The following PPM1D variants were observed in gnomAD, a reference collection of about 807,000 sequenced individuals.
PPM1D encodes protein phosphatase 1D.
Under a neutral mutation model 58.3 loss-of-function variants are expected in PPM1D, and 52 were observed. The observed-to-expected ratio is 0.89, with a 90% CI of 0.71 to 1.12. The LOEUF is 1.12. Among genes scored for constraint, PPM1D ranks in the 50% most tolerant of loss-of-function variants. The pLI, the probability that PPM1D is intolerant of heterozygous loss-of-function variation, is 0.00. For synonymous variants in PPM1D, 278 were observed against 285.1 expected (o/e 0.98, Z 0.25); for missense variants, 564 against 777.2 (o/e 0.73, Z 3.26).
intron 2 of PPM1D, among the ~76,000 whole-genome samples, chr17:60,633,042 T>G (rs1004378840): frequency 6.6e-6 from 1 of 150,418 alleles, no homozygotes; most frequent in Non-Finnish European, 1.5e-5. Flanking sequence ...TCCCATCACT[T>G]TGGGAGGCCG....
chr17:60,631,619 TG>T (rs1369650894), intron 2 of PPM1D, among the ~76,000 whole-genome samples: 2 of 146,192 alleles, frequency 1.4e-5, no homozygotes, highest in Admixed American at 1.4e-4. Context: ...AAAAAAAGGG[TG>T]GGGGGATGGT....
rs1370140367 is a variant in PPM1D at position 60,640,205 on chromosome 17, G to T, written c.826+6228G>T. 3.3e-5 allele frequency among the ~76,000 whole-genome samples: 5 copies of T among 152,154 alleles called. No individual in the cohort carries two copies. The South Asian group carries it at 1.0e-3, about 31-fold the overall frequency. ...ACGCGCTTGTAGTCTCAGTTACTCA[G>T]GAGGCTTTGGTTGGGAGGATTGCTT... On this transcript the variant is annotated intron_variant, in intron 3 of 5. Coordinates refer to ENST00000305921, the MANE Select transcript of PPM1D (RefSeq NM_003620.4).
intron 3 of PPM1D, among the ~76,000 whole-genome samples, chr17:60,646,150 T>G (rs1053693016): frequency 2.6e-5 from 4 of 152,192 alleles, no homozygotes; most frequent in Non-Finnish European, 5.9e-5. Flanking sequence ...AGCTTTGTTT[T>G]GCTGGTATAA....
intron 5 of PPM1D, among the ~76,000 whole-genome samples, chr17:60,657,642 C>G (rs963549064): frequency 2.6e-5 from 4 of 152,182 alleles, no homozygotes; most frequent in African/African-American, 9.7e-5. Flanking sequence ...ATAGTCAATA[C>G]TTGGAAATGG....
chr17:60,610,036 C>T (rs548171724), intron 1 of PPM1D, among the ~76,000 whole-genome samples: 22 of 151,918 alleles, frequency 1.4e-4, no homozygotes, highest in Admixed American at 4.6e-4. Context: ...AAAAACTAGC[C>T]GGGCATGGTG....
intron 3 of PPM1D, among the ~76,000 whole-genome samples, chr17:60,640,354 A>G (rs2031109225): frequency 6.6e-6 from 1 of 152,214 alleles, no homozygotes. Context: ...ATTGTGAACT[A>G]TAACAGAGTT....
intron 3 of PPM1D, among the ~76,000 whole-genome samples, chr17:60,647,400 C>T (rs370103571): frequency 4.6e-5 from 7 of 152,012 alleles, no homozygotes; most frequent in East Asian, 3.8e-4. Context: ...TATAGAAATA[C>T]GTTGACTTAT....
chr17:60,652,770 G>T (rs1367935907), intron 4 of PPM1D, among the ~76,000 whole-genome samples: 12 of 151,928 alleles, frequency 7.9e-5, no homozygotes, highest in African/African-American at 2.9e-4. Context: ...GTGATGTTGA[G>T]CATTTTTTCA....
rs1464541677 is a variant in PPM1D at position 60,664,618 on chromosome 17, T to G, written c.*1066T>G. ...TTGCTTTATACTGAGCTTTTGAGTG[T>G]TCCCAATCTGAAATTCAAAATGCTC... is the stretch of plus-strand genomic sequence containing the variant. On this transcript the variant is annotated 3_prime_UTR_variant, in exon 6 of 6. Transcript: ENST00000305921. 1 of 152,204 alleles carries G rather than the reference T, an allele frequency of 6.6e-6. No individual in the cohort carries two copies. The highest frequency in any genetic ancestry group is 1.5e-5 in the Non-Finnish European group (1 of 68,036). The allele number at this position is 152,204 out of a possible 1,614,324, so 9.4% of individuals were successfully genotyped here. A position where few individuals can be genotyped will look rare whatever the true frequency, so the allele number is the denominator to read the frequency against.
chr17:60,619,037 C>T (rs1357782955), intron 1 of PPM1D, among the ~76,000 whole-genome samples: 1 of 152,160 alleles, frequency 6.6e-6, no homozygotes, highest in African/African-American at 2.4e-5. Flanking sequence ...CAACATCTCC[C>T]CACTTCTCCT....
At chr17:60,606,823 G>A (rs944109648) in intron 1 of PPM1D, among the ~76,000 whole-genome samples, 1 of 152,028 alleles carries the variant, frequency 6.6e-6, no homozygotes, top group Non-Finnish European at 1.5e-5. Flanking sequence ...GTGTGACAGG[G>A]TCTTGCTCTG....
rs922242425 is a variant in PPM1D at position 60,654,601 on chromosome 17, C to G, written c.1018-1998C>G. Among the ~76,000 whole-genome samples the G allele has an allele frequency of 3.3e-5, 5 of 151,850 alleles. No homozygotes were observed. The East Asian group carries it at 9.8e-4, about 30-fold the overall frequency. ...AGGCAGCCGGGCACGGCGGTTCACA[C>G]CTGTAATTCCAGAACTTTGGGAGGC... On this transcript the variant is annotated intron_variant, in intron 4 of 5. Transcript: ENST00000305921.
chr17:60,616,774 A>G (rs1275095859), intron 1 of PPM1D, among the ~76,000 whole-genome samples: 1 of 152,324 alleles, frequency 6.6e-6, no homozygotes, highest in African/African-American at 2.4e-5. Context: ...TTTTTAGGTC[A>G]TTGCAAAATA....
chr17:60,663,569 G>T lies in PPM1D; in HGVS notation c.*17G>T, dbSNP rs770916478. On this transcript the variant is annotated 3_prime_UTR_variant, in exon 6 of 6. Coordinates refer to ENST00000305921, the MANE Select transcript of PPM1D (RefSeq NM_003620.4). Reference sequence around the variant, plus strand: ...GTTTGCTGAAATGCATCTGGGAAATGAGGTTTTTCCAAACTTAGGATATAA... The same window carrying T: ...GTTTGCTGAAATGCATCTGGGAAATTAGGTTTTTCCAAACTTAGGATATAA... 3.7e-5 allele frequency: 59 copies of T among 1,594,952 alleles called. No homozygotes were observed. Among genetic ancestry groups the T allele is most frequent in the Non-Finnish European group, 4.4e-5 (52 of 1,174,120 alleles).
chr17:60,656,510 G>T, intron 4 of PPM1D, 89 bp from the exon 5 acceptor site: 1 of 1,493,138 alleles, frequency 6.7e-7, no homozygotes, highest in Non-Finnish European at 9.0e-7. Context: ...GGGCCACAGC[G>T]AACACCAAAT....
In PPM1D at chr17:60,608,864, C is replaced by T. The variant is rs545842510; in HGVS notation, c.472+7978C>T. Among the ~76,000 whole-genome samples, 12 of 151,762 alleles carry T rather than the reference C, an allele frequency of 7.9e-5. No homozygotes were observed. In the East Asian group the frequency reaches 2.2e-3, roughly 27 times the overall value. On this transcript the variant is annotated intron_variant, in intron 1 of 5. Transcript: ENST00000305921. ...CTGGGTTCACACCATTCTCCTGCCT[C>T]AGCCTCCCGAGTGGCTGGGACTACA...
At chr17:60,635,357 A>G (rs2031003719) in intron 3 of PPM1D, among the ~76,000 whole-genome samples, 1 of 151,966 alleles carries the variant, frequency 6.6e-6, no homozygotes, top group South Asian at 2.1e-4. Flanking sequence ...CTGGGATTAC[A>G]GGCATGCACC....
chr17:60,663,724 T>C lies in PPM1D; in HGVS notation c.*172T>C. 4 of 697,170 alleles carry C rather than the reference T, an allele frequency of 5.7e-6. No individual in the cohort carries two copies. Among genetic ancestry groups the C allele is most frequent in the Non-Finnish European group, 9.2e-6 (4 of 433,836 alleles). The allele number at this position is 697,170 out of a possible 1,614,324, so 43.2% of individuals were successfully genotyped here. A position where few individuals can be genotyped will look rare whatever the true frequency, so the allele number is the denominator to read the frequency against. On this transcript the variant is annotated 3_prime_UTR_variant, in exon 6 of 6. Transcript: ENST00000305921. ...CTTGTACTTGCTTGTATTGTAAATG[T>C]GGATTTTGTAGATGTTAGGGTATAA... is the stretch of plus-strand genomic sequence containing the variant.
At chr17:60,659,852 T>C (rs1336218454) in intron 5 of PPM1D, among the ~76,000 whole-genome samples, 1 of 152,202 alleles carries the variant, frequency 6.6e-6, no homozygotes, top group Non-Finnish European at 1.5e-5. Flanking sequence ...GAGAATTCCC[T>C]TCAGAAATGT....
Sources: gnomAD v4.1 joint callset for allele counts (sites outside exome capture counted in the v4.1 genomes callset) on GRCh38, gnomAD v4.1.1 for gene constraint, MANE v1.5 for transcripts, NCBI Gene and HGNC (gene_info 2026-07-23, HGNC 2026-07-21) for gene names.